HIBADH: variants seen among roughly 807,000 people sequenced by gnomAD.
The protein encoded by HIBADH is 3-hydroxyisobutyrate dehydrogenase, mitochondrial.
In HIBADH, 25 loss-of-function variants were observed where a neutral mutation model predicts 36.1. The ratio of observed to expected loss-of-function variants is 0.69; its 90% CI spans 0.50 to 0.97. The LOEUF (loss-of-function observed/expected upper bound fraction) is 0.97, where lower values mean the gene tolerates loss of function less well. Among genes scored for constraint, HIBADH ranks in the 50% least tolerant of loss-of-function variants. The pLI, the probability that HIBADH is intolerant of heterozygous loss-of-function variation, is 0.00. For missense variants in HIBADH, 421 were observed against 418.0 expected, an observed-to-expected ratio of 1.01 and a Z score of -0.06; for synonymous variants, 160 against 149.5, an observed-to-expected ratio of 1.07 and a Z score of -0.51.
chr7:27,601,217 C>T (rs538557863), intron 4 of HIBADH, among the ~76,000 whole-genome samples: 1 of 151,976 alleles, frequency 6.6e-6, no homozygotes, highest in African/African-American at 2.4e-5. Context: ...TTACACACAC[C>T]TCACACTCTT....
intron 4 of HIBADH, among the ~76,000 whole-genome samples, chr7:27,621,158 G>C (rs975662912): frequency 6.6e-6 from 1 of 151,804 alleles, no homozygotes; most frequent in Admixed American, 6.6e-5. Flanking sequence ...AATGAAAAAG[G>C]AATCAATCCA....
intron 7 of HIBADH, among the ~76,000 whole-genome samples, chr7:27,528,105 G>A (rs1783938769): frequency 6.6e-6 from 1 of 151,784 alleles, no homozygotes; most frequent in Non-Finnish European, 1.5e-5. Context: ...GTTTTGGGGT[G>A]TCAGAAAGCG....
At chr7:27,551,564 AATT>A (rs1352094859) in intron 4 of HIBADH, among the ~76,000 whole-genome samples, 4 of 152,332 alleles carry the variant, frequency 2.6e-5, no homozygotes, top group African/African-American at 9.6e-5. Context: ...TGACCCAAAG[AATT>A]ATGATAGATA....
rs144839195 is a variant in HIBADH at position 27,649,517 on chromosome 7, C to T, written c.208G>A (p.Val70Met). The change falls in exon 2 of 8, where the codon GTG (valine) becomes ATG (methionine). Residue 70 changes from valine to methionine, a missense_variant. By Grantham distance (21) the Val-to-Met change is conservative (BLOSUM62 1). Coordinates refer to ENST00000265395, the MANE Select transcript of HIBADH (RefSeq NM_152740.4). ...AACTCTTTGCAGGCATCAGGGAACA[C>T]ATCATAAATAATAAGTGGATAGCCA... ...KHGYPLIIYD[V>M]FPDACKEFQD... is the part of the protein sequence containing the mutation. The T allele has an allele frequency of 5.4e-5, 87 of 1,613,902 alleles. No homozygotes were observed. The highest frequency in any genetic ancestry group is 7.3e-5 in the Non-Finnish European group (86 of 1,179,878).
intron 4 of HIBADH, among the ~76,000 whole-genome samples, chr7:27,608,983 G>A (rs1448170466): frequency 6.6e-6 from 1 of 152,202 alleles, no homozygotes; most frequent in African/African-American, 2.4e-5. Context: ...TGGTGTCATG[G>A]TTACTTGATT....
chr7:27,645,954 GA>G (rs1562657557), intron 2 of HIBADH, among the ~76,000 whole-genome samples: 1 of 152,012 alleles, frequency 6.6e-6, no homozygotes, highest in South Asian at 2.1e-4. Flanking sequence ...TTTTAATTTT[GA>G]TAAAGTCCAA....
At chr7:27,602,171 G>GAA (rs35840171) in intron 4 of HIBADH, among the ~76,000 whole-genome samples, 3 of 133,762 alleles carry the variant, frequency 2.2e-5, no homozygotes, top group Non-Finnish European at 1.6e-5. Context: ...CTTCCTCACT[G>GAA]AAAAAAAAAA....
At chr7:27,661,967 T>C (rs1012894812) in intron 1 of HIBADH, among the ~76,000 whole-genome samples, 3 of 152,184 alleles carry the variant, frequency 2.0e-5, no homozygotes, top group Non-Finnish European at 2.9e-5. Flanking sequence ...ATCTTCATCC[T>C]GGCTCTAAAA....
intron 4 of HIBADH, among the ~76,000 whole-genome samples, chr7:27,602,788 T>G (rs1785153644): frequency 1.3e-5 from 2 of 152,114 alleles, no homozygotes; most frequent in Admixed American, 6.6e-5. Flanking sequence ...CTTGATCAAT[T>G]TTACATGCAA....
intron 4 of HIBADH, among the ~76,000 whole-genome samples, chr7:27,573,769 G>GAA (rs1784663253): frequency 1.3e-5 from 2 of 152,090 alleles, no homozygotes; most frequent in African/African-American, 4.8e-5. Flanking sequence ...ATTCAGATGT[G>GAA]CTTTAAGTGT....
At chr7:27,609,781 G>T (rs1443496269) in intron 4 of HIBADH, among the ~76,000 whole-genome samples, 1 of 151,842 alleles carries the variant, frequency 6.6e-6, no homozygotes, top group Non-Finnish European at 1.5e-5. Flanking sequence ...ATAAATAACA[G>T]CAGTTGCTAA....
At chr7:27,556,266 G>T (rs1784387311) in intron 4 of HIBADH, among the ~76,000 whole-genome samples, 1 of 152,136 alleles carries the variant, frequency 6.6e-6, no homozygotes, top group South Asian at 2.1e-4. Flanking sequence ...TTCCTCTTCA[G>T]TAAACTGCCT....
chr7:27,584,844 G>T (rs1373578552), intron 4 of HIBADH, among the ~76,000 whole-genome samples: 2 of 151,836 alleles, frequency 1.3e-5, no homozygotes, highest in Non-Finnish European at 2.9e-5. Context: ...TCTTGCTAAG[G>T]GCAGCAGTTT....
chr7:27,534,877 CACTT>C (rs980210239), intron 6 of HIBADH, among the ~76,000 whole-genome samples: 9 of 151,614 alleles, frequency 5.9e-5, no homozygotes, highest in South Asian at 2.1e-4. Context: ...TGGATTAACT[CACTT>C]AATCTTCACA....
intron 4 of HIBADH, among the ~76,000 whole-genome samples, chr7:27,550,095 G>A (rs1321260339): frequency 1.3e-5 from 2 of 152,058 alleles, no homozygotes; most frequent in Non-Finnish European, 2.9e-5. Context: ...ATTTTTAGTA[G>A]AGATGGGGTT....
intron 4 of HIBADH, among the ~76,000 whole-genome samples, chr7:27,611,397 T>A (rs980619527): frequency 3.9e-5 from 6 of 152,218 alleles, no homozygotes; most frequent in Admixed American, 3.3e-4. Context: ...CAATAGTTTT[T>A]AATTTAGTTT....
At chr7:27,658,387 T>C (rs1311870665) in intron 1 of HIBADH, among the ~76,000 whole-genome samples, 4 of 152,176 alleles carry the variant, frequency 2.6e-5, no homozygotes, top group African/African-American at 7.2e-5. Context: ...TGAGGACGAA[T>C]GAAAAGAAAC....
chr7:27,549,410 C>T (rs573784894), intron 4 of HIBADH, among the ~76,000 whole-genome samples: 3 of 151,906 alleles, frequency 2.0e-5, no homozygotes, highest in African/African-American at 4.8e-5. Context: ...AAAATGAAAT[C>T]GAATTTTCAA....
chr7:27,569,797 G>A (rs545855863), intron 4 of HIBADH, among the ~76,000 whole-genome samples: 34 of 152,182 alleles, frequency 2.2e-4, no homozygotes, highest in African/African-American at 7.9e-4. Context: ...ATTCTACACT[G>A]TTTGGACCAT....
Sources: allele counts gnomAD v4.1 joint callset (sites outside exome capture counted in the v4.1 genomes callset), GRCh38; gene constraint gnomAD v4.1.1; transcripts MANE v1.5; gene names NCBI Gene and HGNC (gene_info 2026-07-23, HGNC 2026-07-21).